Variants in EIPR1 observed in about 807,000 individuals in gnomAD.
EIPR1 encodes the protein EARP and GARP complex-interacting protein 1.
Under a neutral mutation model 48.1 loss-of-function variants are expected in EIPR1, and 25 were observed. The ratio of observed to expected loss-of-function variants is 0.52; its 90% CI spans 0.38 to 0.73. The LOEUF (loss-of-function observed/expected upper bound fraction) is 0.73. Among genes scored for constraint, EIPR1 ranks in the 30% least tolerant of loss-of-function variants. EIPR1 has a pLI of 0.00. For synonymous variants in EIPR1, 204 were observed against 201.9 expected, an observed-to-expected ratio of 1.01 and a Z score of -0.09; for missense variants, 415 against 506.2, an observed-to-expected ratio of 0.82 and a Z score of 1.73.
At chr2:3,231,839 C>A (rs1666253003) in intron 4 of EIPR1, among the ~76,000 whole-genome samples, 1 of 152,212 alleles carries the variant, frequency 6.6e-6, no homozygotes, top group African/African-American at 2.4e-5. Flanking sequence ...CAGACTAATG[C>A]TGGTCTCATA....
chr2:3,292,918 T>C (rs1668413428), intron 3 of EIPR1, among the ~76,000 whole-genome samples: 1 of 150,172 alleles, frequency 6.7e-6, no homozygotes, highest in African/African-American at 2.4e-5. Context: ...AAAAAGACTG[T>C]CATTTGCAGA....
Position 3,269,347 on chromosome 2 carries a change from ATCGCACTCAG to A in EIPR1, c.260-11902_260-11893del, listed in dbSNP as rs1200440877. ...CACTCAATCATCATCACACTCAGTC[ATCGCACTCAG>A]TCATCGCACTCAATCATCGCACTCA... On this transcript the variant is annotated intron_variant, in intron 3 of 8. Coordinates refer to ENST00000382125, the MANE Select transcript of EIPR1 (RefSeq NM_003310.5). 1.5e-3 allele frequency among the ~76,000 whole-genome samples: 151 copies of A among 97,744 alleles called. 30 individuals carry two copies. The highest frequency in any genetic ancestry group is 3.7e-3 in the South Asian group (8 of 2,176). 64.1% of individuals were successfully genotyped at this position (97,744 alleles called of 152,430 possible).
intron 5 of EIPR1, among the ~76,000 whole-genome samples, chr2:3,203,980 G>A (rs2103119742): frequency 6.6e-6 from 1 of 152,346 alleles, no homozygotes; most frequent in East Asian, 1.9e-4. Context: ...CCTAGCTGAG[G>A]TGTGCTTGGA....
intron 1 of EIPR1, among the ~76,000 whole-genome samples, chr2:3,355,336 G>A (rs1376937208): frequency 6.6e-6 from 1 of 152,188 alleles, no homozygotes; most frequent in Non-Finnish European, 1.5e-5. Flanking sequence ...AGGAGTGAAG[G>A]CAAATGAGAA....
chr2:3,241,737 G>A (rs531980256), intron 4 of EIPR1, among the ~76,000 whole-genome samples: 132 of 152,294 alleles, frequency 8.7e-4, no homozygotes, highest in African/African-American at 3.0e-3. Context: ...AATGGGCTGT[G>A]TCAATAAGCC....
chr2:3,247,244 T>A (rs1029248042), intron 4 of EIPR1, among the ~76,000 whole-genome samples: 1 of 152,164 alleles, frequency 6.6e-6, no homozygotes, highest in African/African-American at 2.4e-5. Flanking sequence ...GATATACCAC[T>A]TGGGAAACGG....
chr2:3,227,833 A>G (rs1666114211), intron 4 of EIPR1, among the ~76,000 whole-genome samples: 1 of 152,254 alleles, frequency 6.6e-6, no homozygotes, highest in African/African-American at 2.4e-5. Context: ...CCATTGCTTC[A>G]GAGGGTATAA....
At chr2:3,200,714 G>A (rs1332307344) in intron 5 of EIPR1, among the ~76,000 whole-genome samples, 1 of 152,062 alleles carries the variant, frequency 6.6e-6, no homozygotes, top group Non-Finnish European at 1.5e-5. Context: ...GAGCACGGCA[G>A]GATTAAGCTT....
At chr2:3,269,914 T>G (rs1470379878) in intron 3 of EIPR1, among the ~76,000 whole-genome samples, 1 of 152,198 alleles carries the variant, frequency 6.6e-6, no homozygotes, top group Non-Finnish European at 1.5e-5. Flanking sequence ...AGGAGCACCA[T>G]CCCTCAGCTT....
At chr2:3,206,185 C>T in intron 5 of EIPR1, among the ~76,000 whole-genome samples, 1 of 152,184 alleles carries the variant, frequency 6.6e-6, no homozygotes, top group Admixed American at 6.5e-5. Context: ...GGCGGGACAC[C>T]CAGGCTCTTG....
chr2:3,305,997 C>T (rs111430565), intron 3 of EIPR1, among the ~76,000 whole-genome samples: 2 of 152,196 alleles, frequency 1.3e-5, no homozygotes, highest in African/African-American at 2.4e-5. Context: ...TACTGAGTTC[C>T]GAGGCAGTCA....
chr2:3,289,616 T>A (rs925926302), intron 3 of EIPR1, among the ~76,000 whole-genome samples: 3 of 152,118 alleles, frequency 2.0e-5, no homozygotes, highest in African/African-American at 7.2e-5. Context: ...GTGCACCATG[T>A]CTAAAATGAG....
intron 4 of EIPR1, among the ~76,000 whole-genome samples, chr2:3,246,549 A>G (rs1666799668): frequency 6.6e-6 from 1 of 150,376 alleles, no homozygotes; most frequent in Non-Finnish European, 1.5e-5. Flanking sequence ...ATTTACCTCC[A>G]TCTACACTGA....
chr2:3,193,938 G>A (rs1206047837), intron 7 of EIPR1, 61 bp downstream of exon 7: 12 of 1,578,870 alleles, frequency 7.6e-6, no homozygotes, highest in East Asian at 2.2e-5. Flanking sequence ...CAATGGTAAA[G>A]TAATTAGCAA....
chr2:3,228,905 C>T (rs1318260061), intron 4 of EIPR1, among the ~76,000 whole-genome samples: 1 of 152,230 alleles, frequency 6.6e-6, no homozygotes, highest in Non-Finnish European at 1.5e-5. Flanking sequence ...CAATGTGGAA[C>T]TGTGAGTTAA....
At chr2:3,355,947 G>C (rs1432436621) in intron 1 of EIPR1, among the ~76,000 whole-genome samples, 1 of 152,178 alleles carries the variant, frequency 6.6e-6, no homozygotes, top group Non-Finnish European at 1.5e-5. Flanking sequence ...GATTCAAACA[G>C]GGTCCCTGGG....
intron 3 of EIPR1, among the ~76,000 whole-genome samples, chr2:3,311,969 C>T (rs112134348): frequency 3.3e-5 from 5 of 152,192 alleles, no homozygotes; most frequent in African/African-American, 4.8e-5. Flanking sequence ...TTCTTTGGAA[C>T]AGCGCACAGA....
chr2:3,271,689 T>C (rs1181820615), intron 3 of EIPR1, among the ~76,000 whole-genome samples: 2 of 152,190 alleles, frequency 1.3e-5, no homozygotes, highest in East Asian at 1.9e-4. Flanking sequence ...TATTGTTCCA[T>C]TTACAGAGAC....
chr2:3,288,585 G>A (rs966642165), intron 3 of EIPR1, among the ~76,000 whole-genome samples: 1 of 152,214 alleles, frequency 6.6e-6, no homozygotes, highest in African/African-American at 2.4e-5. Context: ...CCCTTACAGG[G>A]CAGATGCGGC....
Sources: gnomAD v4.1 joint callset for allele counts (sites outside exome capture counted in the v4.1 genomes callset) on GRCh38, gnomAD v4.1.1 for gene constraint, MANE v1.5 for transcripts, NCBI Gene and HGNC (gene_info 2026-07-23, HGNC 2026-07-21) for gene names.